Variants in TBC1D5 observed in about 807,000 individuals in gnomAD.
The protein encoded by TBC1D5 is TBC1 domain family member 5, also known as TBC1 domain family, member 5.
A neutral mutation model predicts 100.3 loss-of-function variants in TBC1D5; 75 were observed. The observed-to-expected ratio is 0.75, with a 90% CI of 0.62 to 0.91. The LOEUF (loss-of-function observed/expected upper bound fraction) is 0.91. Among genes scored for constraint, TBC1D5 ranks in the 40% least tolerant of loss-of-function variants. The pLI is 0.00. For missense variants in TBC1D5, 910 were observed against 942.4 expected (o/e 0.97, Z 0.45); for synonymous variants, 323 against 325.6 (o/e 0.99, Z 0.09).
At chr3:17,260,563 G>T (rs1244659620) in intron 15 of TBC1D5, among the ~76,000 whole-genome samples, 1 of 152,076 alleles carries the variant, frequency 6.6e-6, no homozygotes, top group Non-Finnish European at 1.5e-5. Context: ...ACAAAAAAAA[G>T]AATCAAAAGA....
intron 2 of TBC1D5, among the ~76,000 whole-genome samples, chr3:17,522,492 A>G (rs891284536): frequency 6.6e-6 from 1 of 152,166 alleles, no homozygotes; most frequent in Non-Finnish European, 1.5e-5. Context: ...AATATCTTGA[A>G]GTCAGAAAAC....
intron 2 of TBC1D5, among the ~76,000 whole-genome samples, chr3:17,596,273 T>C (rs2060556464): frequency 6.6e-6 from 1 of 151,780 alleles, no homozygotes; most frequent in South Asian, 2.1e-4. Context: ...TTCTCCCAAA[T>C]ATTCTGATGC....
chr3:17,234,583 G>C (rs1434021561), intron 17 of TBC1D5, among the ~76,000 whole-genome samples: 1 of 152,070 alleles, frequency 6.6e-6, no homozygotes, highest in Non-Finnish European at 1.5e-5. Flanking sequence ...TCAACACTAA[G>C]CACAGTCACT....
At chr3:17,358,704 A>C (rs921354410) in intron 13 of TBC1D5, among the ~76,000 whole-genome samples, 2 of 152,160 alleles carry the variant, frequency 1.3e-5, no homozygotes, top group Admixed American at 6.5e-5. Context: ...TCTAAATTAA[A>C]ATGTTTTAAA....
chr3:17,202,914 A>G (rs1298635100), intron 18 of TBC1D5, among the ~76,000 whole-genome samples: 1 of 152,232 alleles, frequency 6.6e-6, no homozygotes, highest in African/African-American at 2.4e-5. Flanking sequence ...AGGGCAGTGC[A>G]GAGGGGAAAT....
chr3:17,521,426 T>C (rs929881006), intron 2 of TBC1D5, among the ~76,000 whole-genome samples: 1 of 152,236 alleles, frequency 6.6e-6, no homozygotes, highest in African/African-American at 2.4e-5. Flanking sequence ...TCTCTAACTT[T>C]ATTGTAAGAA....
chr3:17,413,877 T>A (rs1474807062), intron 4 of TBC1D5, among the ~76,000 whole-genome samples: 1 of 152,194 alleles, frequency 6.6e-6, no homozygotes, highest in East Asian at 1.9e-4. Flanking sequence ...AGGGCCTACA[T>A]ACAGTTTAAG....
At chr3:17,637,938 T>C (rs998874087) in intron 1 of TBC1D5, among the ~76,000 whole-genome samples, 5 of 152,190 alleles carry the variant, frequency 3.3e-5, no homozygotes, top group African/African-American at 1.2e-4. Context: ...ACATTACTTA[T>C]TGGAAACAAT....
At position 17,396,225 on chromosome 3, in the gene TBC1D5, C is replaced by G. The variant is rs543543217; in HGVS notation, c.509+6956G>C. Among the ~76,000 whole-genome samples the G allele has an allele frequency of 5.9e-5, 9 of 152,246 alleles. No homozygotes were observed. The South Asian group carries it at 1.0e-3, about 18-fold the overall frequency. ...CAACACAACACCAAGTACATCCACT[C>G]ATTCATGTGTGCCTGCAGTCCACCT... On this transcript the variant is annotated intron_variant, in intron 8 of 21. Transcript: ENST00000253692.
chr3:17,370,639 G>A (rs2092404275), intron 13 of TBC1D5, among the ~76,000 whole-genome samples: 1 of 152,132 alleles, frequency 6.6e-6, no homozygotes, highest in Non-Finnish European at 1.5e-5. Context: ...AAACAGAAAA[G>A]CAGACTTCTT....
At chr3:17,398,896 AAAT>A (rs2093577283) in intron 8 of TBC1D5, among the ~76,000 whole-genome samples, 2 of 152,156 alleles carry the variant, frequency 1.3e-5, no homozygotes, top group Admixed American at 6.6e-5. Context: ...AAACAAAATT[AAAT>A]AATATTAAAA....
chr3:17,568,050 T>C (rs1477472677), intron 2 of TBC1D5, among the ~76,000 whole-genome samples: 1 of 151,564 alleles, frequency 6.6e-6, no homozygotes, highest in Admixed American at 6.6e-5. Context: ...TCACAAGCTT[T>C]GATAATAATG....
At chr3:17,195,432 T>C (rs2070529138) in intron 18 of TBC1D5, among the ~76,000 whole-genome samples, 1 of 152,256 alleles carries the variant, frequency 6.6e-6, no homozygotes, top group South Asian at 2.1e-4. Flanking sequence ...CAATGCTGGC[T>C]GGGCAAAACC....
At chr3:17,714,027 C>A (rs75704376) in intron 1 of TBC1D5, among the ~76,000 whole-genome samples, 7,613 of 152,194 alleles carry the variant, frequency 0.05, 604 homozygotes, top group African/African-American at 0.17. Context: ...CATGCCCTAG[C>A]CCCATCTCTT....
intron 3 of TBC1D5, among the ~76,000 whole-genome samples, chr3:17,477,414 T>C (rs58617436): frequency 0.069 from 10,460 of 152,084 alleles, 707 homozygotes; most frequent in African/African-American, 0.18. Context: ...ATTCCCTATT[T>C]TTCAATTCTC....
At chr3:17,469,576 G>A (rs549053504) in intron 3 of TBC1D5, among the ~76,000 whole-genome samples, 2 of 151,546 alleles carry the variant, frequency 1.3e-5, no homozygotes, top group South Asian at 2.1e-4. Flanking sequence ...CAAGTAAAAC[G>A]CATCTTTACT....
At chr3:17,190,242 A>G (rs896925882) in intron 18 of TBC1D5, among the ~76,000 whole-genome samples, 5 of 152,212 alleles carry the variant, frequency 3.3e-5, no homozygotes, top group Admixed American at 6.5e-5. Flanking sequence ...TGGCCACTGA[A>G]AAAGTTTAGA....
At chr3:17,677,831 T>C (rs2068849484) in intron 1 of TBC1D5, among the ~76,000 whole-genome samples, 1 of 152,070 alleles carries the variant, frequency 6.6e-6, no homozygotes, top group Non-Finnish European at 1.5e-5. Flanking sequence ...AAATGATGAG[T>C]TCATGTCCTT....
At chr3:17,719,788 T>C (rs1381683683) in intron 1 of TBC1D5, among the ~76,000 whole-genome samples, 2 of 152,214 alleles carry the variant, frequency 1.3e-5, no homozygotes, top group African/African-American at 4.8e-5. Flanking sequence ...TACCAGTCTG[T>C]GTTATATAAA....
Sources: gnomAD v4.1 joint callset for allele counts (sites outside exome capture counted in the v4.1 genomes callset) on GRCh38, gnomAD v4.1.1 for gene constraint, MANE v1.5 for transcripts, NCBI Gene and HGNC (gene_info 2026-07-23, HGNC 2026-07-21) for gene names.